SNX29: variants seen among roughly 807,000 people sequenced by gnomAD.
SNX29 encodes the protein sorting nexin 29.
In SNX29, 78 loss-of-function variants were observed where a neutral mutation model predicts 102.1. That is an observed-to-expected ratio of 0.76 (90% CI 0.64 to 0.92). The LOEUF is 0.92. Among genes scored for constraint, SNX29 ranks in the 40% least tolerant of loss-of-function variants. The pLI is 0.00. For synonymous variants in SNX29, 580 were observed against 414.5 expected, an observed-to-expected ratio of 1.40 and a Z score of -4.85; for missense variants, 1,280 against 1,061.7, an observed-to-expected ratio of 1.21 and a Z score of -2.86.
intron 16 of SNX29, among the ~76,000 whole-genome samples, chr16:12,388,531 G>C (rs1212556503): frequency 6.6e-6 from 1 of 152,184 alleles, no homozygotes; most frequent in African/African-American, 2.4e-5. Flanking sequence ...CTATCAGTTA[G>C]GAATTGGCAA....
At chr16:12,530,731 T>G (rs568429933) in intron 20 of SNX29, among the ~76,000 whole-genome samples, 4 of 152,258 alleles carry the variant, frequency 2.6e-5, no homozygotes, top group African/African-American at 9.6e-5. Flanking sequence ...AATTTTTGTA[T>G]TTTTAGTAGA....
At chr16:12,466,488 C>T (rs1394427643) in intron 18 of SNX29, among the ~76,000 whole-genome samples, 1 of 152,188 alleles carries the variant, frequency 6.6e-6, no homozygotes, top group South Asian at 2.1e-4. Context: ...AGGGGGACAA[C>T]TTTTAGTGGC....
At chr16:12,153,569 G>A (rs1361465661) in intron 13 of SNX29, among the ~76,000 whole-genome samples, 1 of 151,832 alleles carries the variant, frequency 6.6e-6, no homozygotes. Context: ...TGCCTCCTGG[G>A]TTCAAGACAT....
chr16:12,135,987 C>T (rs781112007), intron 13 of SNX29, among the ~76,000 whole-genome samples: 13 of 152,226 alleles, frequency 8.5e-5, no homozygotes, highest in Admixed American at 2.6e-4. Context: ...GACTTCCCTT[C>T]GTGTATGTCA....
intron 20 of SNX29, among the ~76,000 whole-genome samples, chr16:12,538,771 A>C (rs1272624283): frequency 6.6e-6 from 1 of 152,202 alleles, no homozygotes; most frequent in African/African-American, 2.4e-5. Flanking sequence ...AGCTGTGAGC[A>C]TGTCACATCG....
chr16:12,127,842 G>T (rs904611291), intron 12 of SNX29, among the ~76,000 whole-genome samples: 2 of 152,126 alleles, frequency 1.3e-5, no homozygotes, highest in Non-Finnish European at 2.9e-5. Flanking sequence ...TGAAATTCTG[G>T]CTCCCATCTG....
chr16:12,229,520 G>A (rs370636203), intron 14 of SNX29, among the ~76,000 whole-genome samples: 28 of 152,126 alleles, frequency 1.8e-4, no homozygotes, highest in African/African-American at 6.7e-4. Context: ...TATGTCCAGT[G>A]GACCACATCA....
At chr16:11,994,029 G>A (rs1039287431) in intron 1 of SNX29, among the ~76,000 whole-genome samples, 2 of 152,210 alleles carry the variant, frequency 1.3e-5, no homozygotes, top group Non-Finnish European at 1.5e-5. Flanking sequence ...GCTGAGGCAG[G>A]ATAATCGCTT....
At chr16:12,208,896 A>G (rs1351190594) in intron 14 of SNX29, among the ~76,000 whole-genome samples, 3 of 151,244 alleles carry the variant, frequency 2.0e-5, no homozygotes, top group Non-Finnish European at 4.4e-5. Flanking sequence ...TTCTCCATTT[A>G]TGGAGATCCT....
chr16:12,343,593 G>C (rs2081680056), intron 15 of SNX29, among the ~76,000 whole-genome samples: 1 of 152,120 alleles, frequency 6.6e-6, no homozygotes, highest in South Asian at 2.1e-4. Context: ...CAAGCCCTAG[G>C]ACGGGTAGCT....
At chr16:12,436,873 G>C (rs1232289778) in intron 18 of SNX29, among the ~76,000 whole-genome samples, 1 of 152,098 alleles carries the variant, frequency 6.6e-6, no homozygotes, top group Non-Finnish European at 1.5e-5. Context: ...GGCTGGTTTC[G>C]AACTACTGGC....
intron 14 of SNX29, among the ~76,000 whole-genome samples, chr16:12,237,229 A>C (rs1412781028): frequency 2.0e-5 from 3 of 152,112 alleles, no homozygotes; most frequent in Non-Finnish European, 4.4e-5. Context: ...TAAAACAGAA[A>C]AAGGGAGTTT....
chr16:12,570,081 T>C lies in SNX29; in HGVS notation c.*1452T>C, dbSNP rs144992089. ...TCTGGAGAATCATCTGGAAGGTTTA[T>C]ACTGTGCCTTCCCCTCGTAGCAAAA... is the stretch of plus-strand genomic sequence containing the variant. On this transcript the variant is annotated 3_prime_UTR_variant, in exon 21 of 21. Coordinates refer to ENST00000566228, the MANE Select transcript of SNX29 (RefSeq NM_032167.5). 20 of 768,638 alleles carry C rather than the reference T, an allele frequency of 2.6e-5. No homozygotes were observed. In the East Asian group the frequency reaches 8.0e-4, roughly 31 times the overall value. 47.6% of individuals were successfully genotyped at this position (768,638 alleles called of 1,614,324 possible).
chr16:12,092,002 C>CGCCG (rs2052571086), intron 11 of SNX29, among the ~76,000 whole-genome samples: 1 of 152,256 alleles, frequency 6.6e-6, no homozygotes, highest in African/African-American at 2.4e-5. Flanking sequence ...CGCAGCCCTA[C>CGCCG]TCGGCGGAGG....
At chr16:12,105,014 C>T (rs941640972) in intron 11 of SNX29, among the ~76,000 whole-genome samples, 1 of 152,226 alleles carries the variant, frequency 6.6e-6, no homozygotes, top group Non-Finnish European at 1.5e-5. Flanking sequence ...ATGCTTCCTT[C>T]TGCAGGGTCC....
At chr16:12,079,427 G>A (rs534397480) in intron 11 of SNX29, among the ~76,000 whole-genome samples, 1 of 152,252 alleles carries the variant, frequency 6.6e-6, no homozygotes, top group African/African-American at 2.4e-5. Context: ...GTAAACTGAC[G>A]GGTGCTCCTG....
intron 11 of SNX29, among the ~76,000 whole-genome samples, chr16:12,105,378 C>T (rs1470368034): frequency 6.6e-6 from 1 of 152,076 alleles, no homozygotes; most frequent in Non-Finnish European, 1.5e-5. Flanking sequence ...GCACACACCA[C>T]CACACCTAGC....
At chr16:12,319,836 G>GGAT (rs1845534360) in intron 15 of SNX29, among the ~76,000 whole-genome samples, 1 of 152,102 alleles carries the variant, frequency 6.6e-6, no homozygotes, top group African/African-American at 2.4e-5. Flanking sequence ...GAAGGGGGAG[G>GGAT]GATGCACACC....
At chr16:12,416,321 CAGTT>C (rs1003380726) in intron 18 of SNX29, among the ~76,000 whole-genome samples, 8 of 152,172 alleles carry the variant, frequency 5.3e-5, no homozygotes, top group African/African-American at 1.9e-4. Flanking sequence ...TGCAGAGTCA[CAGTT>C]AGACAGGAGG....
Sources: gnomAD v4.1 joint callset for allele counts (sites outside exome capture counted in the v4.1 genomes callset) on GRCh38, gnomAD v4.1.1 for gene constraint, MANE v1.5 for transcripts, NCBI Gene and HGNC (gene_info 2026-07-23, HGNC 2026-07-21) for gene names.